The following CTF1 variants were observed in gnomAD, a reference collection of about 807,000 sequenced individuals.
The protein encoded by CTF1 is cardiotrophin 1.
A neutral mutation model predicts 10.9 loss-of-function variants in CTF1; 9 were observed. That is an observed-to-expected ratio of 0.83 (90% CI 0.50 to 1.44). CTF1 has a LOEUF of 1.44. Among genes scored for constraint, CTF1 ranks in the 40% most tolerant of loss-of-function variants. The pLI, the probability that CTF1 is intolerant of heterozygous loss-of-function variation, is 0.00. For synonymous variants in CTF1, 133 were observed against 138.8 expected (o/e 0.96, Z 0.29); for missense variants, 259 against 275.3 (o/e 0.94, Z 0.42).
At chr16:30,896,848 C>A (rs1355734094) in intron 1 of CTF1, among the ~76,000 whole-genome samples, 180 bp downstream of exon 1, 1 of 152,052 alleles carries the variant, frequency 6.6e-6, no homozygotes, top group Non-Finnish European at 1.5e-5. Context: ...AAACAGCAGG[C>A]GCTAGGGTTT....
At position 30,898,021 on chromosome 16, in the gene CTF1, A is replaced by ATT. The variant is rs199817667; in HGVS notation, c.25+1365_25+1366dup. On this transcript the variant is annotated intron_variant, in intron 1 of 2. Transcript: ENST00000279804. ...AGGCGTGTGCCACCAAGTCCAGCTA[A>ATT]TTTTTTTTTTTTTGTATTTTTAGTA... 8.5e-3 allele frequency among the ~76,000 whole-genome samples: 1,240 copies of ATT among 146,478 alleles called. 14 individuals carry two copies. The highest frequency in any genetic ancestry group is 0.02 in the East Asian group (97 of 4,828).
chr16:30,901,154 G>A (rs2055397544), intron 2 of CTF1, among the ~76,000 whole-genome samples: 2 of 152,114 alleles, frequency 1.3e-5, no homozygotes, highest in Non-Finnish European at 2.9e-5. Flanking sequence ...TGGCCTCCCA[G>A]AGTGCCTGGA....
Position 30,902,156 on chromosome 16 carries a change from G to T in CTF1, c.223G>T (p.Ala75Ser). The T allele has an allele frequency of 7.5e-7, 1 of 1,327,838 alleles. No homozygotes were observed. Among genetic ancestry groups the T allele is most frequent in the Non-Finnish European group, 9.6e-7 (1 of 1,037,834 alleles). 82.3% of individuals were successfully genotyped at this position (1,327,838 alleles called of 1,614,324 possible). The change falls in exon 3 of 3, where the codon GCT becomes TCT. Residue 75 changes from alanine (A) to serine (S), a missense_variant. By Grantham distance (99) the Ala-to-Ser change is moderately conservative (BLOSUM62 1). Transcript: ENST00000279804. ...GCCGGTGGCCGGCCTGAGCGCCCCG[G>T]CTCCGAGCCACGCGGGGCTGCCAGT... ...RLPVAGLSAPAPSHAGLPVHE... is the reference protein window; with the variant it reads ...RLPVAGLSAPSPSHAGLPVHE...
chr16:30,897,610 G>A (rs142647502), intron 1 of CTF1, among the ~76,000 whole-genome samples: 1 of 152,242 alleles, frequency 6.6e-6, no homozygotes, highest in Non-Finnish European at 1.5e-5. Context: ...TTGGTCAACA[G>A]GTGGACCGCA....
chr16:30,902,242 A>C lies in CTF1; in HGVS notation c.309A>C (p.Ala103=). The C allele has an allele frequency of 8.9e-7, 1 of 1,125,428 alleles. No individual in the cohort carries two copies. The highest frequency in any genetic ancestry group is 1.1e-6 in the Non-Finnish European group (1 of 922,448). The allele number at this position is 1,125,428 out of a possible 1,614,324, so 69.7% of individuals were successfully genotyped here. Residue 103 remains alanine, a synonymous_variant, in exon 3 of 3, where the codon GCA becomes GCC. Coordinates refer to ENST00000279804, the MANE Select transcript of CTF1 (RefSeq NM_001330.5). ...CCGCGCTGCCCCCGCTGCTGGACGC[A>C]GTGTGTCGCCGCCAGGCCGAGCTGA... The part of the protein sequence containing the change: ...ALAALPPLLD[A]VCRRQAELNP...
Position 30,902,560 on chromosome 16 carries a change from C to T in CTF1, c.*21C>T. On this transcript the variant is annotated 3_prime_UTR_variant, in exon 3 of 3. Transcript: ENST00000279804. ...CCTGAGCGCCGCGGGGCAGCTCGCC[C>T]CGCCTCCTCCCGCTGGGTTCCGTCT... The T allele has an allele frequency of 6.7e-7, 1 of 1,492,330 alleles. No individual in the cohort carries two copies. The highest frequency in any genetic ancestry group is 8.9e-7 in the Non-Finnish European group (1 of 1,124,720). 92.4% of individuals were successfully genotyped at this position (1,492,330 alleles called of 1,614,324 possible).
intron 2 of CTF1, among the ~76,000 whole-genome samples, chr16:30,901,795 G>C (rs1362014752): frequency 1.4e-5 from 2 of 148,062 alleles, no homozygotes; most frequent in African/African-American, 2.5e-5. Context: ...TGTTGCCTAG[G>C]CTGGTCTCGA....
Position 30,902,779 on chromosome 16 carries a change from C to A in CTF1, c.*240C>A. On this transcript the variant is annotated 3_prime_UTR_variant, in exon 3 of 3. Transcript: ENST00000279804. ...CCTCAACCTCCTGGGCTCAAGCCAT[C>A]CTTCCGCCTCAGCTTCCCCAGCAGC... The A allele has an allele frequency of 2.4e-6, 1 of 414,310 alleles. No individual in the cohort carries two copies. Among genetic ancestry groups the A allele is most frequent in the Non-Finnish European group, 4.0e-6 (1 of 252,272 alleles). The allele number at this position is 414,310 out of a possible 1,614,324, so 25.7% of individuals were successfully genotyped here.
intron 1 of CTF1, 89 bp downstream of exon 1, chr16:30,896,757 C>A: frequency 8.4e-7 from 1 of 1,183,860 alleles, no homozygotes; most frequent in Non-Finnish European, 1.1e-6. Context: ...TCCGCCACCC[C>A]CGGGTCCGGG....
At chr16:30,901,040 C>A (rs1248475740) in intron 2 of CTF1, among the ~76,000 whole-genome samples, 1 of 152,048 alleles carries the variant, frequency 6.6e-6, no homozygotes, top group Admixed American at 6.6e-5. Flanking sequence ...ATTACAGTCA[C>A]CACCACCATA....
At position 30,897,023 on chromosome 16, in the gene CTF1, T is replaced by A. The variant is rs916783927; in HGVS notation, c.25+355T>A. On this transcript the variant is annotated intron_variant, in intron 1 of 2. Transcript: ENST00000279804. ...TGGGGGGCTGAAGGAAGGGGTAGAG[T>A]AAGGGAAGGCAGTCTTGGAGTCACA... Among the ~76,000 whole-genome samples, 5 of 147,246 alleles carry A rather than the reference T, an allele frequency of 3.4e-5. No homozygotes were observed. The South Asian group carries it at 6.3e-4, about 19-fold the overall frequency.
At chr16:30,899,671 C>T in intron 2 of CTF1, 138 bp downstream of exon 2, 5 of 623,044 alleles carry the variant, frequency 8.0e-6, no homozygotes, top group Non-Finnish European at 1.4e-5. Flanking sequence ...AGCAACTTGC[C>T]CCTGGCCACA....
chr16:30,896,498 A>C, upstream of CTF1: 1 of 731,860 alleles, frequency 1.4e-6, no homozygotes, highest in Non-Finnish European at 1.9e-6. Context: ...AGGGCCAAGG[A>C]ATCCTGTCTC....
chr16:30,901,437 T>C (rs1034614021), intron 2 of CTF1, among the ~76,000 whole-genome samples: 2 of 152,194 alleles, frequency 1.3e-5, no homozygotes, highest in African/African-American at 4.8e-5. Flanking sequence ...GTGGTGAAGA[T>C]AGGATTTGAA....
chr16:30,902,036 G>C, intron 2 of CTF1, 42 bp from the exon 3 acceptor site: 1 of 1,415,938 alleles, frequency 7.1e-7, no homozygotes, highest in Non-Finnish European at 9.3e-7. Flanking sequence ...CCCCCTGCCC[G>C]TGCTCCGGGG....
At position 30,902,530 on chromosome 16, in the gene CTF1, C is replaced by G. The variant is rs1226281928; in HGVS notation, c.597C>G (p.Gly199=). 6 of 1,498,310 alleles carry G rather than the reference C, an allele frequency of 4.0e-6. No individual in the cohort carries two copies. In the South Asian group the frequency reaches 4.9e-5, roughly 12 times the overall value. 92.8% of individuals were successfully genotyped at this position (1,498,310 alleles called of 1,614,324 possible). The part of the protein sequence containing the change: ...EGDLGQLLPG[G]SA ...ACCTGGGCCAGCTGCTGCCCGGGGG[C>G]TCGGCCTGAGCGCCGCGGGGCAGCT... Residue 199 remains glycine, a synonymous_variant, in exon 3 of 3, where the codon GGC becomes GGG. Coordinates refer to ENST00000279804, the MANE Select transcript of CTF1 (RefSeq NM_001330.5).
chr16:30,900,573 G>A (rs566570474), intron 2 of CTF1, among the ~76,000 whole-genome samples: 1 of 152,072 alleles, frequency 6.6e-6, no homozygotes, highest in African/African-American at 2.4e-5. Context: ...AGACCAGCCT[G>A]GGTAACACAG....
At chr16:30,896,503 T>C, upstream of CTF1, 2 of 764,558 alleles carry the variant, frequency 2.6e-6, no homozygotes, top group African/African-American at 1.8e-5. Flanking sequence ...CAAGGAATCC[T>C]GTCTCAAAAG....
Position 30,902,249 on chromosome 16 carries a change from C to A in CTF1, c.316C>A (p.Arg106Ser). ...ALPPLLDAVC[R>S]RQAELNPRAP... ...GCCCCCGCTGCTGGACGCAGTGTGT[C>A]GCCGCCAGGCCGAGCTGAACCCGCG... The change falls in exon 3 of 3, where the codon CGC becomes AGC. Residue 106 changes from arginine to serine, a missense_variant. By Grantham distance (110) the Arg-to-Ser change is moderately radical. Transcript: ENST00000279804. The A allele has an allele frequency of 3.6e-6, 4 of 1,110,570 alleles. No individual in the cohort carries two copies. The highest frequency in any genetic ancestry group is 4.2e-5 in the South Asian group (1 of 23,848). The allele number at this position is 1,110,570 out of a possible 1,614,324, so 68.8% of individuals were successfully genotyped here. A position where few individuals can be genotyped will look rare whatever the true frequency, so the allele number is the denominator to read the frequency against.
Sources: allele counts gnomAD v4.1 joint callset (sites outside exome capture counted in the v4.1 genomes callset), GRCh38; gene constraint gnomAD v4.1.1; transcripts MANE v1.5; gene names NCBI Gene and HGNC (gene_info 2026-07-23, HGNC 2026-07-21).